The following ACOT11 variants were observed in gnomAD, a reference collection of about 807,000 sequenced individuals.
ACOT11 encodes acyl-CoA thioesterase 11.
A neutral mutation model predicts 77.5 loss-of-function variants in ACOT11; 69 were observed. The ratio of observed to expected loss-of-function variants is 0.89; its 90% CI spans 0.73 to 1.09. ACOT11 has a LOEUF of 1.09. Among genes scored for constraint, ACOT11 ranks in the 50% least tolerant of loss-of-function variants. ACOT11 has a pLI of 0.00. For missense variants in ACOT11, 766 were observed against 813.7 expected, an observed-to-expected ratio of 0.94 and a Z score of 0.71; for synonymous variants, 279 against 313.0, an observed-to-expected ratio of 0.89 and a Z score of 1.15.
chr1:54,562,627 G>T (rs1157439770), intron 1 of ACOT11, among the ~76,000 whole-genome samples: 1 of 143,816 alleles, frequency 7.0e-6, no homozygotes, highest in Non-Finnish European at 1.5e-5. Flanking sequence ...GCTGCCGGGC[G>T]GAGGGGCTCC....
Position 54,584,773 on chromosome 1 carries a change from A to T in ACOT11, c.152A>T (p.Gln51Leu), listed in dbSNP as rs371097547. 4.3e-5 allele frequency: 69 copies of T among 1,613,914 alleles called. No homozygotes were observed. The highest frequency in any genetic ancestry group is 4.3e-5 in the Non-Finnish European group (51 of 1,180,038). Reference protein sequence around the residue: ...YRNPTEVQMSQLVLPCHTNQR... With the variant: ...YRNPTEVQMSLLVLPCHTNQR... ...AACCCCACGGAGGTGCAGATGAGCC[A>T]GCTGGTGCTGCCCTGCCACACCAAC... The change falls in exon 2 of 16, where the codon CAG (glutamine) becomes CTG (leucine). Residue 51 changes from glutamine (Q) to leucine (L), a missense_variant. Gln to Leu is a moderately radical substitution (Grantham distance 113, BLOSUM62 -2). Transcript: ENST00000343744. This position sits in a 1 kb window ranked among gnomAD's most constrained non-coding sequence, Gnocchi z 6.3.
At chr1:54,605,021 C>T (rs1353621857) in intron 12 of ACOT11, 55 bp from the exon 13 acceptor site, 3 of 1,548,934 alleles carry the variant, frequency 1.9e-6, no homozygotes. Flanking sequence ...CCTCCAGCAT[C>T]CCCATCAGTC....
chr1:54,584,552 A>ACT lies in ACOT11; in HGVS notation c.34-95_34-94dup. 1.8e-6 allele frequency: 2 copies of ACT among 1,116,974 alleles called. No individual in the cohort carries two copies. The highest frequency in any genetic ancestry group is 2.6e-6 in the Non-Finnish European group (2 of 779,564). 69.2% of individuals were successfully genotyped at this position (1,116,974 alleles called of 1,614,324 possible). A position where few individuals can be genotyped will look rare whatever the true frequency, so the allele number is the denominator to read the frequency against. Reference sequence around the variant, plus strand: ...GGTCTGGTGGGAGGTGGCCCTAGGTACTCTCTCTCCCCCAGACCCTAAGTT... The same window carrying ACT: ...GGTCTGGTGGGAGGTGGCCCTAGGTACTCTCTCTCTCCCCCAGACCCTAAGTT... On this transcript the variant is annotated intron_variant, in intron 1 of 15. Coordinates refer to ENST00000343744, the MANE Select transcript of ACOT11 (RefSeq NM_147161.4). This position sits in a 1 kb window ranked among gnomAD's most constrained non-coding sequence, Gnocchi z 6.3.
chr1:54,611,020 G>GT (rs1644111826), downstream of ACOT11: 2 of 985,374 alleles, frequency 2.0e-6, no homozygotes, highest in African/African-American at 1.7e-5. Flanking sequence ...ATAATGGGGG[G>GT]TTTGGAATTT....
At chr1:54,594,168 A>C in intron 5 of ACOT11, 129 bp downstream of exon 5, 1 of 779,854 alleles carries the variant, frequency 1.3e-6, no homozygotes, top group Non-Finnish European at 2.0e-6. Flanking sequence ...AGGAATCCAC[A>C]GCTCCCTGAG....
intron 1 of ACOT11, among the ~76,000 whole-genome samples, chr1:54,575,396 T>G (rs1654073597): frequency 1.3e-5 from 2 of 152,176 alleles, no homozygotes; most frequent in Middle Eastern, 3.4e-3. Context: ...TCAGACAAGG[T>G]TATTTTTACC....
At chr1:54,606,335 C>T (rs895891667) in intron 13 of ACOT11, among the ~76,000 whole-genome samples, 1 of 152,108 alleles carries the variant, frequency 6.6e-6, no homozygotes, top group African/African-American at 2.4e-5. Flanking sequence ...GGGGAGTGGC[C>T]TGAGGGGAAA....
chr1:54,603,181 A>G (rs1643984867), intron 10 of ACOT11, among the ~76,000 whole-genome samples: 1 of 152,230 alleles, frequency 6.6e-6, no homozygotes, highest in African/African-American at 2.4e-5. Flanking sequence ...TACTAAAAAT[A>G]CAAAAATTAG....
intron 3 of ACOT11, among the ~76,000 whole-genome samples, chr1:54,587,286 G>C (rs1180159685): frequency 6.6e-6 from 1 of 152,040 alleles, no homozygotes; most frequent in Admixed American, 6.6e-5. Context: ...GGGCCTACGC[G>C]GGTGGATCAC....
In ACOT11 at chr1:54,584,523, T is replaced by A. The variant is rs1341318572; in HGVS notation, c.34-132T>A. The A allele has an allele frequency of 1.3e-6, 1 of 788,774 alleles. No individual in the cohort carries two copies. Among genetic ancestry groups the A allele is most frequent in the African/African-American group, 1.7e-5 (1 of 57,590 alleles). The allele number at this position is 788,774 out of a possible 1,614,324, so 48.9% of individuals were successfully genotyped here. On this transcript the variant is annotated intron_variant, in intron 1 of 15. Transcript: ENST00000343744. The surrounding 1 kb of genome is among the most constrained non-coding windows in gnomAD (Gnocchi z 6.3). ...CTGGAGGGTGGTGACCACTCTCGGG[T>A]TGGGGTCTGGTGGGAGGTGGCCCTA...
chr1:54,551,539 A>G (rs992677101), intron 1 of ACOT11, among the ~76,000 whole-genome samples: 1 of 151,866 alleles, frequency 6.6e-6, no homozygotes, highest in African/African-American at 2.4e-5. Context: ...ACTGAGTCTC[A>G]CATTTCTGGG....
chr1:54,609,178 GCCTGGAGAAAGCCAAAGA>G lies in ACOT11; in HGVS notation c.*70_*87del. Reference sequence around the variant, plus strand: ...CTGTCCCCAAGGACTCACATACAGTGCCTGGAGAAAGCCAAAGACCTTTATTTCTTCCTGCCTCCCCGT... The same window carrying G: ...CTGTCCCCAAGGACTCACATACAGTGCCTTTATTTCTTCCTGCCTCCCCGT... On this transcript the variant is annotated 3_prime_UTR_variant, in exon 16 of 16. Transcript: ENST00000343744. 1 of 1,605,698 alleles carries G rather than the reference GCCTGGAGAAAGCCAAAGA, an allele frequency of 6.2e-7. No individual in the cohort carries two copies. The highest frequency in any genetic ancestry group is 8.5e-7 in the Non-Finnish European group (1 of 1,175,350).
intron 15 of ACOT11, among the ~76,000 whole-genome samples, chr1:54,620,255 TAAGG>T (rs1157677507): frequency 3.3e-5 from 5 of 152,192 alleles, no homozygotes; most frequent in Admixed American, 2.0e-4. Context: ...AGGGAACACT[TAAGG>T]AAGACCTTGA....
intron 3 of ACOT11, among the ~76,000 whole-genome samples, chr1:54,588,074 T>A (rs1319359183): frequency 6.6e-6 from 1 of 151,876 alleles, no homozygotes; most frequent in African/African-American, 2.4e-5. Flanking sequence ...CATGGTGATA[T>A]ACGCCTGTGG....
chr1:54,614,944 G>C (rs1644156654), downstream of ACOT11: 1 of 1,211,234 alleles, frequency 8.3e-7, no homozygotes, highest in Admixed American at 2.4e-5. Flanking sequence ...GAGCGGGTGT[G>C]TGTGTGTGTG....
In ACOT11 at chr1:54,608,984, G is replaced by C; in HGVS notation, c.1657G>C (p.Gly553Arg). Residue 553 changes from glycine (G) to arginine (R), a missense_variant, in exon 16 of 16, where the codon GGT (glycine) becomes CGT (arginine). By Grantham distance (125) the Gly-to-Arg change is moderately radical. Transcript: ENST00000343744. ...ATCCTACTACAACCAGGCCACCCCA[G>C]GTGTTCTCAACTATGTGACCACCAA... ...KVSYYNQATP[G>R]VLNYVTTNVA... The C allele has an allele frequency of 6.2e-7, 1 of 1,613,958 alleles. No homozygotes were observed. The highest frequency in any genetic ancestry group is 8.5e-7 in the Non-Finnish European group (1 of 1,179,940).
chr1:54,610,982 C>A, downstream of ACOT11: 1 of 985,322 alleles, frequency 1.0e-6, no homozygotes. Flanking sequence ...ATTAGAGTAA[C>A]CAGCAGTGGA....
intron 3 of ACOT11, among the ~76,000 whole-genome samples, chr1:54,587,064 A>G (rs1321664372): frequency 2.0e-5 from 3 of 152,084 alleles, no homozygotes; most frequent in Admixed American, 1.3e-4. Flanking sequence ...CTCACCACAC[A>G]CTTAATATTA....
intron 1 of ACOT11, among the ~76,000 whole-genome samples, chr1:54,562,094 A>AC (rs764825630): frequency 8.3e-5 from 2 of 24,130 alleles, no homozygotes. Flanking sequence ...CGGGGGGCTG[A>AC]CCCCCCCAAC....
Sources: gnomAD v4.1 joint callset for allele counts (sites outside exome capture counted in the v4.1 genomes callset) on GRCh38, gnomAD v4.1.1 for gene constraint, Gnocchi (gnomAD v3.1) non-coding constraint, MANE v1.5 for transcripts, NCBI Gene and HGNC (gene_info 2026-07-23, HGNC 2026-07-21) for gene names.